EGF: variants seen among roughly 807,000 people sequenced by gnomAD.
The protein encoded by EGF is pro-epidermal growth factor.
EGF carries 95 observed loss-of-function variants against 143.8 expected under a neutral mutation model. The observed-to-expected ratio is 0.66, with a 90% CI of 0.56 to 0.78. The LOEUF is 0.78. Ranked by LOEUF, EGF falls within the 30% of genes least tolerant of loss-of-function variation. The pLI, the probability that EGF is intolerant of heterozygous loss-of-function variation, is 0.00. For missense variants in EGF, 1,320 were observed against 1,470.9 expected (o/e 0.90, Z 1.68); for synonymous variants, 510 against 510.5 (o/e 1.00, Z 0.01).
chr4:109,956,343 G>A lies in EGF; in HGVS notation c.941-2969G>A, dbSNP rs895656963. 2.0e-4 allele frequency among the ~76,000 whole-genome samples: 31 copies of A among 152,248 alleles called. No individual in the cohort carries two copies. The Middle Eastern group carries it at 0.01, about 50-fold the overall frequency. On this transcript the variant is annotated intron_variant, in intron 5 of 23. Coordinates refer to ENST00000265171, the MANE Select transcript of EGF (RefSeq NM_001963.6). Reference sequence around the variant, plus strand: ...TTTGGAAAGATTTTTATAGGGCAAAGGAAAGAGTTTTTATAAGAAGCATAG... The same window carrying A: ...TTTGGAAAGATTTTTATAGGGCAAAAGAAAGAGTTTTTATAAGAAGCATAG...
intron 18 of EGF, among the ~76,000 whole-genome samples, chr4:109,992,647 C>T (rs961046330): frequency 1.3e-5 from 2 of 152,022 alleles, no homozygotes; most frequent in African/African-American, 2.4e-5. Context: ...CACATGCACA[C>T]GTATGTTTAT....
At position 109,968,810 on chromosome 4, in the gene EGF, C is replaced by T. The variant is rs1747079731; in HGVS notation, c.1576-161C>T. 1.5e-5 allele frequency: 12 copies of T among 778,686 alleles called. No individual in the cohort carries two copies. In the Admixed American group the frequency reaches 2.4e-4, roughly 16 times the overall value. 48.2% of individuals were successfully genotyped at this position (778,686 alleles called of 1,614,324 possible). On this transcript the variant is annotated intron_variant, in intron 10 of 23. Transcript: ENST00000265171. ...ACATTAAATAACTTGCTTAAGGTTA[C>T]ACGTATCTGGGAAGCAGCCTAGTTC...
At position 109,969,092 on chromosome 4, in the gene EGF, G is replaced by A; in HGVS notation, c.1697G>A (p.Gly566Asp). Residue 566 changes from glycine to aspartate, a missense_variant, in exon 11 of 24, where the codon GGC becomes GAC. Coordinates refer to ENST00000265171, the MANE Select transcript of EGF (RefSeq NM_001963.6). ...GAAGGTCTTGCTGTGGACTGGATTG[G>A]CCGTAGATTCTATTGGACAGACAGA... Reference protein sequence around the residue: ...VPEGLAVDWIGRRFYWTDRGK... With the variant: ...VPEGLAVDWIDRRFYWTDRGK... 3 of 1,614,150 alleles carry A rather than the reference G, an allele frequency of 1.9e-6. No individual in the cohort carries two copies. The highest frequency in any genetic ancestry group is 2.5e-6 in the Non-Finnish European group (3 of 1,180,016).
chr4:110,001,618 G>A lies in EGF; in HGVS notation c.3173+1772G>A, dbSNP rs979958145. The A allele has an allele frequency of 6.1e-6, 6 of 985,280 alleles. No individual in the cohort carries two copies. In the Admixed American group the frequency reaches 1.8e-4, roughly 30 times the overall value. The allele number at this position is 985,280 out of a possible 1,614,324, so 61.0% of individuals were successfully genotyped here. On this transcript the variant is annotated intron_variant, in intron 21 of 23. Coordinates refer to ENST00000265171, the MANE Select transcript of EGF (RefSeq NM_001963.6). Reference sequence around the variant, plus strand: ...TATTTGTTGTGTTATGATATAGTATGTCTTATGTTCTGTTGGCATTTTTCA... The same window carrying A: ...TATTTGTTGTGTTATGATATAGTATATCTTATGTTCTGTTGGCATTTTTCA...
At chr4:109,990,237 G>A (rs2126140913) in intron 18 of EGF, among the ~76,000 whole-genome samples, 1 of 152,294 alleles carries the variant, frequency 6.6e-6, no homozygotes, top group Middle Eastern at 3.4e-3. Flanking sequence ...AGAAATATCA[G>A]GATGAGGAAG....
rs1366574720 is a variant in EGF at position 110,008,221 on chromosome 4, G to T, written c.3361G>T (p.Ala1121Ser). The T allele has an allele frequency of 8.1e-6, 13 of 1,613,862 alleles. No homozygotes were observed. The highest frequency in any genetic ancestry group is 1.0e-5 in the Non-Finnish European group (12 of 1,179,950). The part of the protein sequence containing the change: ...GQPVAGEDGQ[A>S]ADGSMQPTSW... Reference sequence around the variant, plus strand: ...ACCAGTGGCTGGTGAGGATGGCCAGGCAGCAGATGGTCAGTTTTTATCCCT... The same window carrying T: ...ACCAGTGGCTGGTGAGGATGGCCAGTCAGCAGATGGTCAGTTTTTATCCCT... Residue 1121 changes from alanine (A) to serine (S), a missense_variant, in exon 23 of 24, where the codon GCA (alanine) becomes TCA (serine). By Grantham distance (99) the Ala-to-Ser change is moderately conservative. Coordinates refer to ENST00000265171, the MANE Select transcript of EGF (RefSeq NM_001963.6).
chr4:109,945,094 C>G lies in EGF; in HGVS notation c.759C>G (p.Ser253=). The G allele has an allele frequency of 1.9e-6, 3 of 1,614,024 alleles. No homozygotes were observed. Among genetic ancestry groups the G allele is most frequent in the Non-Finnish European group, 1.7e-6 (2 of 1,180,008 alleles). ...TTAGGCATAATTTGTTTGCAATGTCCCTTTTTGGTGACCGTATCTTCTATT... is the reference window on the plus strand; with the variant it reads ...TTAGGCATAATTTGTTTGCAATGTCGCTTTTTGGTGACCGTATCTTCTATT... ...HPTQHNLFAM[S]LFGDRIFYST... The change falls in exon 5 of 24, where the codon TCC becomes TCG. Residue 253 remains serine, a synonymous_variant. Transcript: ENST00000265171.
chr4:109,919,504 G>T (rs1318344028), intron 1 of EGF, among the ~76,000 whole-genome samples: 1 of 152,148 alleles, frequency 6.6e-6, no homozygotes, highest in African/African-American at 2.4e-5. Context: ...CTTGAAAAGA[G>T]ACTTTAACAG....
At chr4:109,976,999 G>A (rs1748604512) in intron 13 of EGF, among the ~76,000 whole-genome samples, 3 of 152,178 alleles carry the variant, frequency 2.0e-5, no homozygotes, top group Non-Finnish European at 4.4e-5. Context: ...AGTTCGATTG[G>A]AATTTGGAGA....
At chr4:109,988,779 A>ATGGGTGCC in intron 18 of EGF, 70 bp downstream of exon 18, 4 of 1,606,246 alleles carry the variant, frequency 2.5e-6, no homozygotes, top group Non-Finnish European at 3.4e-6. Context: ...ATGTGGGTGC[A>ATGGGTGCC]TGAGCAGAGG....
At chr4:109,987,657 TG>T in intron 16 of EGF, 86 bp from the exon 17 acceptor site, 1 of 1,084,932 alleles carries the variant, frequency 9.2e-7, no homozygotes, top group South Asian at 1.2e-5. Flanking sequence ...AAGGAAGTGG[TG>T]GACTGTTCTG....
chr4:109,964,452 A>G lies in EGF; in HGVS notation c.1490A>G (p.His497Arg). 6.2e-7 allele frequency: 1 copy of G among 1,614,014 alleles called. No individual in the cohort carries two copies. Among genetic ancestry groups the G allele is most frequent in the African/African-American group, 1.3e-5 (1 of 75,040 alleles). ...AATTCTCAAGATATTCGACACATGCATTTTGATGGAACAGACTATGGAACT... is the reference window on the plus strand; with the variant it reads ...AATTCTCAAGATATTCGACACATGCGTTTTGATGGAACAGACTATGGAACT... ...FANSQDIRHM[H>R]FDGTDYGTLL... is the part of the protein sequence containing the mutation. The change falls in exon 10 of 24, where the codon CAT becomes CGT. Residue 497 changes from histidine to arginine, a missense_variant. Physicochemically the swap from His to Arg is conservative, Grantham distance 29 (BLOSUM62 0). Coordinates refer to ENST00000265171, the MANE Select transcript of EGF (RefSeq NM_001963.6).
In EGF at chr4:109,999,815, C is replaced by T; in HGVS notation, c.3142C>T (p.Leu1048Phe). 1.2e-6 allele frequency: 2 copies of T among 1,613,772 alleles called. No homozygotes were observed. The highest frequency in any genetic ancestry group is 1.7e-6 in the Non-Finnish European group (2 of 1,180,030). The change falls in exon 21 of 24, where the codon CTC (leucine) becomes TTC (phenylalanine). Residue 1048 changes from leucine to phenylalanine, a missense_variant. Leu to Phe is a conservative substitution (Grantham distance 22). Transcript: ENST00000265171. ...VCVVVLVMLLLLSLWGAHYYR... is the reference protein window; with the variant it reads ...VCVVVLVMLLFLSLWGAHYYR... ...CGTGGTGGTGCTTGTCATGCTGCTC[C>T]TCCTGAGCCTGTGGGGGGCCCACTA...
intron 1 of EGF, among the ~76,000 whole-genome samples, chr4:109,925,590 G>A (rs762624797): frequency 1.3e-5 from 2 of 152,194 alleles, no homozygotes; most frequent in Non-Finnish European, 2.9e-5. Flanking sequence ...AGCCAATAAA[G>A]AGTCAACATG....
chr4:109,964,431 C>G lies in EGF; in HGVS notation c.1469C>G (p.Ser490Cys). 1 of 1,613,940 alleles carries G rather than the reference C, an allele frequency of 6.2e-7. No individual in the cohort carries two copies. The highest frequency in any genetic ancestry group is 8.5e-7 in the Non-Finnish European group (1 of 1,179,862). ...CAACCATTTTTGCTGTTTGCCAATTCTCAAGATATTCGACACATGCATTTT... is the reference window on the plus strand; with the variant it reads ...CAACCATTTTTGCTGTTTGCCAATTGTCAAGATATTCGACACATGCATTTT... ...GPQPFLLFAN[S>C]QDIRHMHFDG... Residue 490 changes from serine (S) to cysteine (C), a missense_variant, in exon 10 of 24, where the codon TCT (serine) becomes TGT (cysteine). Physicochemically the swap from Ser to Cys is moderately radical, Grantham distance 112. Around this residue, in one of 5 missense-constraint regions of EGF, gnomAD observed 1,186 missense variants for 1,313.7 expected, o/e 0.90. Coordinates refer to ENST00000265171, the MANE Select transcript of EGF (RefSeq NM_001963.6).
rs1354712810 is a variant in EGF, at chr4:109,913,237, C to G, written c.-99C>G. On this transcript the variant is annotated 5_prime_UTR_variant, in exon 1 of 24. Coordinates refer to ENST00000265171, the MANE Select transcript of EGF (RefSeq NM_001963.6). ...ATGCCCCAGGGCTGAGGCCTCCGCT[C>G]AGGCAGCCGCATCTGGGGTCAATCA... is the stretch of plus-strand genomic sequence containing the variant. 2 of 1,513,306 alleles carry G rather than the reference C, an allele frequency of 1.3e-6. No homozygotes were observed. The highest frequency in any genetic ancestry group is 3.4e-5 in the Admixed American group (2 of 59,370). The allele number at this position is 1,513,306 out of a possible 1,614,324, so 93.7% of individuals were successfully genotyped here.
Position 109,994,203 on chromosome 4 carries a change from A to G in EGF, c.2858-530A>G, listed in dbSNP as rs11569083. On this transcript the variant is annotated intron_variant, in intron 19 of 23. Coordinates refer to ENST00000265171, the MANE Select transcript of EGF (RefSeq NM_001963.6). ...ATTTTGGCATGCCCTCTGTTACGGG[A>G]ACATTTTCTTCCTGCCAGAGTTGCT... is the stretch of plus-strand genomic sequence containing the variant. 1.7e-3 allele frequency among the ~76,000 whole-genome samples: 263 copies of G among 152,276 alleles called. 1 individual carries two copies. Among genetic ancestry groups the G allele is most frequent in the South Asian group, 4.8e-3 (23 of 4,814 alleles).
At chr4:109,941,178 T>C (rs1012937919) in intron 2 of EGF, 33 bp downstream of exon 2, 3 of 1,588,752 alleles carry the variant, frequency 1.9e-6, no homozygotes, top group African/African-American at 2.7e-5. Context: ...GTTTGAGCTG[T>C]TTTTGTACAG....
At position 109,938,554 on chromosome 4, in the gene EGF, C is replaced by T. The variant is rs557467351; in HGVS notation, c.128-2392C>T. Among the ~76,000 whole-genome samples, 3 of 152,326 alleles carry T rather than the reference C, an allele frequency of 2.0e-5. No individual in the cohort carries two copies. The South Asian group carries it at 6.2e-4, about 32-fold the overall frequency. ...CTCATTCTTTGTCCAGTTTTGTTCC[C>T]TTGCTGGCAAGGAATTGTGTTCCTT... On this transcript the variant is annotated intron_variant, in intron 1 of 23. Coordinates refer to ENST00000265171, the MANE Select transcript of EGF (RefSeq NM_001963.6).
Sources: gnomAD v4.1 joint callset for allele counts (sites outside exome capture counted in the v4.1 genomes callset) on GRCh38, gnomAD v4.1.1 for gene constraint, gnomAD v4.1.1 regional missense constraint, MANE v1.5 for transcripts, NCBI Gene and HGNC (gene_info 2026-07-23, HGNC 2026-07-21) for gene names.